SLC43A2: variants seen among roughly 807,000 people sequenced by gnomAD.
SLC43A2 encodes the protein solute carrier family 43 member 2.
SLC43A2 carries 38 observed loss-of-function variants against 63.2 expected under a neutral mutation model. The ratio of observed to expected loss-of-function variants is 0.60; its 90% CI spans 0.46 to 0.79. The LOEUF (loss-of-function observed/expected upper bound fraction) is 0.79, where lower values mean the gene tolerates loss of function less well. Ranked by LOEUF, SLC43A2 falls within the 30% of genes least tolerant of loss-of-function variation. The probability of loss-of-function intolerance (pLI) is 0.00; values close to 1 mark genes in which losing one functional copy is unlikely to be tolerated. For synonymous variants in SLC43A2, 322 were observed against 331.0 expected (o/e 0.97, Z 0.30); for missense variants, 644 against 756.2 (o/e 0.85, Z 1.74).
intron 5 of SLC43A2, among the ~76,000 whole-genome samples, chr17:1,594,815 C>G (rs1350331737): frequency 1.3e-4 from 19 of 151,582 alleles, no homozygotes; most frequent in South Asian, 2.1e-4. Flanking sequence ...GTCTGGATCT[C>G]CTGACCTCGT....
At chr17:1,591,048 CG>C (rs1005484086) in intron 8 of SLC43A2, 100 bp from the exon 9 acceptor site, 1 of 1,376,840 alleles carries the variant, frequency 7.3e-7, no homozygotes, top group Non-Finnish European at 9.9e-7. Context: ...AGGGGGCCCT[CG>C]GGACGGGCCT....
chr17:1,620,827 G>A (rs372007491), intron 2 of SLC43A2, among the ~76,000 whole-genome samples: 10 of 152,082 alleles, frequency 6.6e-5, no homozygotes, highest in South Asian at 2.1e-4. Flanking sequence ...CTGGGCCACC[G>A]TGGGTCAGGA....
At chr17:1,612,040 C>A (rs1179611824) in intron 5 of SLC43A2, among the ~76,000 whole-genome samples, 1 of 152,152 alleles carries the variant, frequency 6.6e-6, no homozygotes, top group Admixed American at 6.5e-5. Flanking sequence ...TCTTGGCTCA[C>A]GGCAACCTCC....
intron 2 of SLC43A2, among the ~76,000 whole-genome samples, chr17:1,625,959 A>G (rs1908621961): frequency 6.6e-6 from 1 of 151,854 alleles, no homozygotes; most frequent in Admixed American, 6.6e-5. Context: ...GACCAGACCC[A>G]ATTCTGCCAA....
In SLC43A2 at chr17:1,620,595, C is replaced by T. The variant is rs985396345; in HGVS notation, c.161-3826G>A. On this transcript the variant is annotated intron_variant, in intron 2 of 13. Transcript: ENST00000301335. ...GGGGCCACCAGGCCCTCTGCCCGGC[C>T]GCCTGCCTCCAGGCCGTCCCGTCCA... Among the ~76,000 whole-genome samples the T allele has an allele frequency of 4.6e-5, 7 of 152,060 alleles. 1 individual carries two copies. In the South Asian group the frequency reaches 6.2e-4, roughly 14 times the overall value.
rs1409848992 is a variant in SLC43A2, at chr17:1,585,209, C to T, written c.1217+704G>A. 4.0e-6 allele frequency: 4 copies of T among 994,210 alleles called. No individual in the cohort carries two copies. In the South Asian group the frequency reaches 1.3e-4, roughly 33 times the overall value. 61.6% of individuals were successfully genotyped at this position (994,210 alleles called of 1,614,324 possible). A position where few individuals can be genotyped will look rare whatever the true frequency, so the allele number is the denominator to read the frequency against. On this transcript the variant is annotated intron_variant, in intron 10 of 13. Transcript: ENST00000301335. ...ATTGTCTGTACACTTTCACCTGTGT[C>T]TCTTTTTCTTCCTTCTTACTCAATG...
chr17:1,618,598 G>C (rs57760491), intron 2 of SLC43A2, among the ~76,000 whole-genome samples: 24,362 of 152,262 alleles, frequency 0.16, 2,030 homozygotes, highest in South Asian at 0.18. Flanking sequence ...ACTGGGCTGT[G>C]AGCCCCGAAG....
At chr17:1,575,809 G>A (rs953096759) in intron 13 of SLC43A2, 44 bp from the exon 14 acceptor site, 16 of 1,556,512 alleles carry the variant, frequency 1.0e-5, no homozygotes, top group African/African-American at 2.7e-5. Context: ...GTGGTGGTGC[G>A]CCGAGGCTGC....
chr17:1,599,916 C>T (rs1343462308), intron 5 of SLC43A2, among the ~76,000 whole-genome samples: 7 of 148,030 alleles, frequency 4.7e-5, no homozygotes, highest in East Asian at 2.1e-4. Context: ...TGGTGGCGGG[C>T]GCCTGTAGTC....
At chr17:1,604,605 C>G (rs1906408111) in intron 5 of SLC43A2, 2 of 878,996 alleles carry the variant, frequency 2.3e-6, no homozygotes, top group Non-Finnish European at 3.5e-6. Context: ...AACTCCTGGG[C>G]TCAACTCATC....
In SLC43A2 at chr17:1,575,633, C is replaced by G; in HGVS notation, c.1681G>C (p.Gly561Arg). ...ACGAAGGCCTCCTGGTTGGACGAGC[C>G]GTTGATTTTGAGGAAGAGTTTGTCA... ...EDDKLFLKINGSSNQEAFV is the reference protein window; with the variant it reads ...EDDKLFLKINRSSNQEAFV The change falls in exon 14 of 14, where the codon GGC becomes CGC. Residue 561 changes from glycine to arginine, a missense_variant. Coordinates refer to ENST00000301335, the MANE Select transcript of SLC43A2 (RefSeq NM_152346.3). 12 of 1,614,114 alleles carry G rather than the reference C, an allele frequency of 7.4e-6. No homozygotes were observed. The highest frequency in any genetic ancestry group is 9.3e-6 in the Non-Finnish European group (11 of 1,180,014).
chr17:1,623,062 C>T (rs1001045208), intron 2 of SLC43A2, among the ~76,000 whole-genome samples: 70 of 151,904 alleles, frequency 4.6e-4, no homozygotes, highest in African/African-American at 1.5e-3. Context: ...GCCGAGACTG[C>T]GCCACTGCAC....
At chr17:1,611,789 C>T (rs533965777) in intron 5 of SLC43A2, among the ~76,000 whole-genome samples, 10 of 152,214 alleles carry the variant, frequency 6.6e-5, no homozygotes, top group East Asian at 5.8e-4. Flanking sequence ...ACTTTTTCAC[C>T]GGTAAACTGA....
chr17:1,572,064 C>T lies in SLC43A2; in HGVS notation c.*3540G>A, dbSNP rs2075853776. ...TCCTTTGATCAGCTGTAGTCCCTTC[C>T]CCTTCACAGGGCACTTGTCTTGCTG... On this transcript the variant is annotated 3_prime_UTR_variant, in exon 14 of 14. Coordinates refer to ENST00000301335, the MANE Select transcript of SLC43A2 (RefSeq NM_152346.3). The T allele has an allele frequency of 6.6e-6, 1 of 152,490 alleles. No individual in the cohort carries two copies. Among genetic ancestry groups the T allele is most frequent in the African/African-American group, 2.4e-5 (1 of 41,462 alleles). The allele number at this position is 152,490 out of a possible 1,614,324, so 9.4% of individuals were successfully genotyped here. A position where few individuals can be genotyped will look rare whatever the true frequency, so the allele number is the denominator to read the frequency against.
chr17:1,576,073 C>CTTTTTTTT (rs56013428), intron 13 of SLC43A2, among the ~76,000 whole-genome samples: 4 of 81,534 alleles, frequency 4.9e-5, no homozygotes, highest in East Asian at 6.8e-4. Context: ...GAACTGTGTT[C>CTTTTTTTT]TTTTTTTTTT....
chr17:1,621,374 C>A (rs542047478), intron 2 of SLC43A2, among the ~76,000 whole-genome samples: 3 of 152,326 alleles, frequency 2.0e-5, no homozygotes, highest in South Asian at 2.1e-4. Flanking sequence ...TCCGAGCCCC[C>A]CCTCCAGGGT....
chr17:1,619,559 G>C (rs1907968540), intron 2 of SLC43A2, among the ~76,000 whole-genome samples: 1 of 152,204 alleles, frequency 6.6e-6, no homozygotes, highest in African/African-American at 2.4e-5. Context: ...GGGTCCTCGA[G>C]CCCGTCAGGG....
intron 9 of SLC43A2, among the ~76,000 whole-genome samples, chr17:1,587,947 T>G (rs1598444981): frequency 6.6e-6 from 1 of 152,332 alleles, no homozygotes; most frequent in African/African-American, 2.4e-5. Context: ...CTGTTGGCCC[T>G]GGACTGTTTT....
At position 1,623,449 on chromosome 17, in the gene SLC43A2, T is replaced by C. The variant is rs576245393; in HGVS notation, c.160+4266A>G. On this transcript the variant is annotated intron_variant, in intron 2 of 13. Coordinates refer to ENST00000301335, the MANE Select transcript of SLC43A2 (RefSeq NM_152346.3). ...TCTATGCCACCCAAACATACCAGCATGTGGCAAGCCCTCAGCAATTCACAC... is the reference window on the plus strand; with the variant it reads ...TCTATGCCACCCAAACATACCAGCACGTGGCAAGCCCTCAGCAATTCACAC... Among the ~76,000 whole-genome samples, 9 of 152,266 alleles carry C rather than the reference T, an allele frequency of 5.9e-5. No individual in the cohort carries two copies. The South Asian group carries it at 1.2e-3, about 21-fold the overall frequency.
Sources: allele counts gnomAD v4.1 joint callset (sites outside exome capture counted in the v4.1 genomes callset), GRCh38; gene constraint gnomAD v4.1.1; transcripts MANE v1.5; gene names NCBI Gene and HGNC (gene_info 2026-07-23, HGNC 2026-07-21).